Variants in KANSL3 observed in about 807,000 individuals in gnomAD.
The protein encoded by KANSL3 is NSL complex protein NSL3.
Under a neutral mutation model 89.2 loss-of-function variants are expected in KANSL3, and 16 were observed. The ratio of observed to expected loss-of-function variants is 0.18; its 90% confidence interval spans 0.12 to 0.27. KANSL3 has a LOEUF of 0.27. Ranked by LOEUF, KANSL3 falls within the 10% of genes least tolerant of loss-of-function variation. The probability of loss-of-function intolerance (pLI) is 1.00; values close to 1 mark genes in which losing one functional copy is unlikely to be tolerated. For missense variants in KANSL3, 879 were observed against 1,110.6 expected (o/e 0.79, Z 2.96); for synonymous variants, 385 against 419.7 (o/e 0.92, Z 1.01).
chr2:96,613,712 G>T, intron 5 of KANSL3, 93 bp from the exon 6 acceptor site: 1 of 1,199,662 alleles, frequency 8.3e-7, no homozygotes, highest in Non-Finnish European at 1.2e-6. Flanking sequence ...CCCACTATAA[G>T]CCATAGACAG....
chr2:96,630,373 C>T (rs1200482325), intron 3 of KANSL3, among the ~76,000 whole-genome samples: 1 of 152,194 alleles, frequency 6.6e-6, no homozygotes, highest in Non-Finnish European at 1.5e-5. Context: ...CACGCAACCA[C>T]ATGGATAAAC....
chr2:96,601,969 G>A (rs1486725160), intron 19 of KANSL3, 147 bp downstream of exon 19: 12 of 1,162,896 alleles, frequency 1.0e-5, no homozygotes, highest in Non-Finnish European at 1.4e-5. Flanking sequence ...CTCTCTGGGG[G>A]ATGGGTCCAC....
chr2:96,623,862 C>G (rs2071785660), intron 3 of KANSL3, among the ~76,000 whole-genome samples: 2 of 152,220 alleles, frequency 1.3e-5, no homozygotes, highest in African/African-American at 4.8e-5. Context: ...AATGGGATGA[C>G]TGTCTTCTTC....
intron 2 of KANSL3, among the ~76,000 whole-genome samples, chr2:96,636,074 C>A (rs1432415950): frequency 6.6e-6 from 1 of 151,736 alleles, no homozygotes; most frequent in Non-Finnish European, 1.5e-5. Context: ...GGAGGGGTGA[C>A]TCTAAAGAAG....
chr2:96,630,472 A>C (rs1199813297), intron 3 of KANSL3, among the ~76,000 whole-genome samples: 1 of 152,262 alleles, frequency 6.6e-6, no homozygotes, highest in African/African-American at 2.4e-5. Context: ...CAGAATAGGC[A>C]AATCTATAAA....
chr2:96,625,874 T>C (rs980221628), intron 3 of KANSL3, among the ~76,000 whole-genome samples: 1 of 152,136 alleles, frequency 6.6e-6, no homozygotes, highest in Non-Finnish European at 1.5e-5. Context: ...TTAGCAAAAA[T>C]TTTAAAAACA....
chr2:96,637,721 GA>G (rs964394394), intron 1 of KANSL3, among the ~76,000 whole-genome samples: 25 of 152,194 alleles, frequency 1.6e-4, no homozygotes, highest in African/African-American at 6.0e-4. Flanking sequence ...CGTATTGTGC[GA>G]AACAAAAGTT....
downstream of KANSL3, among the ~76,000 whole-genome samples, chr2:96,589,156 A>C (rs1265920067): frequency 6.6e-6 from 1 of 152,242 alleles, no homozygotes; most frequent in African/African-American, 2.4e-5. Context: ...ACAGGCAGGA[A>C]AATGAAAACA....
intron 6 of KANSL3, 22 bp downstream of exon 6, chr2:96,613,466 A>G (rs750587562): frequency 6.3e-7 from 1 of 1,591,824 alleles, no homozygotes; most frequent in Non-Finnish European, 8.6e-7. Context: ...ACCATTGTTA[A>G]GTCCTGAGCC....
At position 96,601,756 on chromosome 2, in the gene KANSL3, T is replaced by C. The variant is rs2067216682; in HGVS notation, c.2503A>G (p.Ile835Val). Residue 835 changes from isoleucine (I) to valine (V), a missense_variant, in exon 20 of 21, where the codon ATT becomes GTT. By Grantham distance (29) the Ile-to-Val change is conservative (BLOSUM62 3). Transcript: ENST00000431828. ...QASGLKVPTT[I>V]TLTLRGQPSR... is the part of the protein sequence containing the mutation. ...GGCTGGCCACGAAGTGTCAGAGTAA[T>C]GGTGGTGGGGACCTTCAAGCCTGAG... The C allele has an allele frequency of 6.3e-7, 1 of 1,582,780 alleles. No homozygotes were observed. The highest frequency in any genetic ancestry group is 1.7e-4 in the Middle Eastern group (1 of 5,916).
At position 96,595,423 on chromosome 2, in the gene KANSL3, TTCC is replaced by T; in HGVS notation, c.*185_*187del. Reference sequence around the variant, plus strand: ...ATTTGCAGATCCTGGACGATGGTGCTTCCCTTGCTGGCACCGTATCACCTAACC... The same window carrying T: ...ATTTGCAGATCCTGGACGATGGTGCTCTTGCTGGCACCGTATCACCTAACC... On this transcript the variant is annotated 3_prime_UTR_variant, in exon 21 of 21. Transcript: ENST00000431828. The T allele has an allele frequency of 1.8e-6, 1 of 569,514 alleles. No homozygotes were observed. Among genetic ancestry groups the T allele is most frequent in the South Asian group, 2.3e-5 (1 of 43,952 alleles). The allele number at this position is 569,514 out of a possible 1,614,324, so 35.3% of individuals were successfully genotyped here. A position where few individuals can be genotyped will look rare whatever the true frequency, so the allele number is the denominator to read the frequency against.
chr2:96,609,630 G>A (rs771021233), intron 11 of KANSL3, 68 bp from the exon 12 acceptor site: 193 of 1,410,622 alleles, frequency 1.4e-4, no homozygotes, highest in Non-Finnish European at 1.7e-4. Flanking sequence ...AAATAAGAAC[G>A]TATTTCTTTT....
chr2:96,582,224 C>A, the KANSL3 span, among the ~76,000 whole-genome samples: 1 of 151,958 alleles, frequency 6.6e-6, no homozygotes, highest in Non-Finnish European at 1.5e-5. Context: ...CTGGTGAAAC[C>A]CCGTCTCCAC....
At chr2:96,637,221 T>C in intron 1 of KANSL3, 36 bp from the exon 2 acceptor site, 4 of 749,696 alleles carry the variant, frequency 5.3e-6, no homozygotes, top group Non-Finnish European at 6.4e-6. Flanking sequence ...TCAATTCCAA[T>C]ATCCTAAATT....
chr2:96,596,767 G>A (rs1350180163), intron 20 of KANSL3, among the ~76,000 whole-genome samples: 1 of 152,234 alleles, frequency 6.6e-6, no homozygotes, highest in Non-Finnish European at 1.5e-5. Flanking sequence ...CTGCTACAAG[G>A]CTACAGTGAG....
In KANSL3 at chr2:96,612,488, C is replaced by T; in HGVS notation, c.988G>A (p.Gly330Arg). Residue 330 changes from glycine (G) to arginine (R), a missense_variant, in exon 8 of 21, where the codon GGG becomes AGG. By Grantham distance (125) the Gly-to-Arg change is moderately radical. This residue lies in a region of KANSL3 where 198 missense variants were observed against 260.3 expected (regional missense o/e 0.76). Coordinates refer to ENST00000431828, the MANE Select transcript of KANSL3 (RefSeq NM_001115016.3). ...GVLQCLEHMI[G>R]AVRSKVLEIH... ...TCCAGCACTTTGCTTCTCACTGCCC[C>T]AATCATATGCTCGAGACACTGTAGA... is the stretch of plus-strand genomic sequence containing the variant. The T allele has an allele frequency of 6.2e-7, 1 of 1,613,898 alleles. No individual in the cohort carries two copies. Among genetic ancestry groups the T allele is most frequent in the Non-Finnish European group, 8.5e-7 (1 of 1,179,834 alleles).
downstream of KANSL3, among the ~76,000 whole-genome samples, chr2:96,589,928 T>A (rs901170228): frequency 1.9e-4 from 29 of 151,522 alleles, no homozygotes; most frequent in African/African-American, 6.8e-4. Context: ...GCGGGTGGAT[T>A]ACCTGAGGTC....
At chr2:96,608,791 C>G (rs2068393706) in intron 13 of KANSL3, 73 bp downstream of exon 13, 1 of 1,519,376 alleles carries the variant, frequency 6.6e-7, no homozygotes, top group Non-Finnish European at 8.9e-7. Flanking sequence ...ACAGAGGCAT[C>G]CCCAGGAAAT....
chr2:96,582,044 A>C, the KANSL3 span, among the ~76,000 whole-genome samples: 2 of 152,264 alleles, frequency 1.3e-5, no homozygotes, highest in Admixed American at 1.3e-4. Flanking sequence ...GGTGTTATTC[A>C]CTATTTTCAA....
Sources: gnomAD v4.1 joint callset for allele counts (sites outside exome capture counted in the v4.1 genomes callset) on GRCh38, gnomAD v4.1.1 for gene constraint, gnomAD v4.1.1 regional missense constraint, MANE v1.5 for transcripts, NCBI Gene and HGNC (gene_info 2026-07-23, HGNC 2026-07-21) for gene names.